The following SNTG2 variants were observed in gnomAD, a reference collection of about 807,000 sequenced individuals.
SNTG2 encodes the protein syntrophin gamma 2.
A neutral mutation model predicts 70.9 loss-of-function variants in SNTG2; 74 were observed. The observed-to-expected ratio is 1.04, with a 90% CI of 0.86 to 1.27. The LOEUF (loss-of-function observed/expected upper bound fraction) is 1.27. Ranked by LOEUF, SNTG2 falls within the 50% of genes most tolerant of loss-of-function variation. The pLI is 0.00. For missense variants in SNTG2, 717 were observed against 690.7 expected, an observed-to-expected ratio of 1.04 and a Z score of -0.43; for synonymous variants, 278 against 273.8, an observed-to-expected ratio of 1.02 and a Z score of -0.15.
chr2:1,165,665 GC>G, intron 7 of SNTG2, 30 bp downstream of exon 7: 1 of 1,563,788 alleles, frequency 6.4e-7, no homozygotes, highest in Non-Finnish European at 8.7e-7. Flanking sequence ...ATGCCAGGGT[GC>G]TGGAGAAATT....
intron 11 of SNTG2, among the ~76,000 whole-genome samples, chr2:1,241,986 G>GTA (rs1677082704): frequency 6.6e-6 from 1 of 152,050 alleles, no homozygotes; most frequent in South Asian, 2.1e-4. Context: ...AGTTGTACTG[G>GTA]GTAATTTAAG....
intron 6 of SNTG2, among the ~76,000 whole-genome samples, chr2:1,164,679 A>G (rs1218721659): frequency 6.7e-6 from 1 of 149,622 alleles, no homozygotes; most frequent in Non-Finnish European, 1.5e-5. Context: ...AGGATGAAGT[A>G]AGGCAGGAAC....
intron 1 of SNTG2, among the ~76,000 whole-genome samples, chr2:1,073,812 A>T (rs2148144984): frequency 6.6e-6 from 1 of 152,354 alleles, no homozygotes. Flanking sequence ...TGCATGATGA[A>T]AACTTTGCAT....
chr2:1,095,195 T>C (rs2148203421), intron 2 of SNTG2, among the ~76,000 whole-genome samples: 1 of 152,316 alleles, frequency 6.6e-6, no homozygotes, highest in East Asian at 1.9e-4. Context: ...AGTTACCTCC[T>C]ACAGGCCCTA....
chr2:1,143,601 A>G (rs4971389), intron 6 of SNTG2, among the ~76,000 whole-genome samples: 83,460 of 149,786 alleles, frequency 0.56, 23,704 homozygotes, highest in East Asian at 0.83. Context: ...AATGTCAGTG[A>G]CTCACTCCTG....
At chr2:1,300,294 T>A (rs1680403301) in intron 14 of SNTG2, among the ~76,000 whole-genome samples, 1 of 152,208 alleles carries the variant, frequency 6.6e-6, no homozygotes, top group Non-Finnish European at 1.5e-5. Flanking sequence ...GAAAATCCTT[T>A]CAAAGTCCAC....
chr2:1,129,582 T>C (rs1667899026), intron 4 of SNTG2, among the ~76,000 whole-genome samples: 1 of 152,256 alleles, frequency 6.6e-6, no homozygotes. Flanking sequence ...CGCATTAATT[T>C]AACTTTGTAT....
intron 1 of SNTG2, among the ~76,000 whole-genome samples, chr2:985,884 A>G (rs1246278808): frequency 5.9e-5 from 9 of 152,180 alleles, no homozygotes; most frequent in African/African-American, 2.2e-4. Context: ...GCCAAGTGTT[A>G]TCACAGTTTC....
chr2:1,085,374 G>A (rs1664619659), intron 2 of SNTG2, among the ~76,000 whole-genome samples: 1 of 152,164 alleles, frequency 6.6e-6, no homozygotes, highest in Non-Finnish European at 1.5e-5. Context: ...TAGGTTATTG[G>A]TGAAAATGAA....
intron 1 of SNTG2, among the ~76,000 whole-genome samples, chr2:956,384 T>A (rs1660159135): frequency 6.6e-6 from 1 of 152,242 alleles, no homozygotes. Flanking sequence ...CTTCCCAGGC[T>A]GGAGCATAAC....
intron 14 of SNTG2, among the ~76,000 whole-genome samples, chr2:1,287,871 C>G (rs1679829446): frequency 6.6e-6 from 1 of 152,132 alleles, no homozygotes; most frequent in Non-Finnish European, 1.5e-5. Context: ...AAGGAGAAGC[C>G]TTCCCAGCTG....
intron 12 of SNTG2, chr2:1,256,477 T>C (rs757038623): frequency 6.6e-6 from 1 of 152,218 alleles, no homozygotes; most frequent in Non-Finnish European, 1.5e-5. Flanking sequence ...CTTGGATACC[T>C]TGGACATGGT....
rs185074355 is a variant in SNTG2, at chr2:1,299,444, A to G, written c.1285-9050A>G. On this transcript the variant is annotated intron_variant, in intron 14 of 16. Coordinates refer to ENST00000308624, the MANE Select transcript of SNTG2 (RefSeq NM_018968.4). ...CTCCTGCAGTCCCTGGCATTCCTCAATCTGCAGCTCCTCACCCCAGCTTCC... is the reference window on the plus strand; with the variant it reads ...CTCCTGCAGTCCCTGGCATTCCTCAGTCTGCAGCTCCTCACCCCAGCTTCC... Among the ~76,000 whole-genome samples the G allele has an allele frequency of 8.5e-3, 1,299 of 152,008 alleles. 16 individuals carry two copies. Among genetic ancestry groups the G allele is most frequent in the African/African-American group, 0.027 (1,124 of 41,480 alleles).
chr2:1,118,782 A>T lies in SNTG2; in HGVS notation c.326-18840A>T, dbSNP rs115202430. On this transcript the variant is annotated intron_variant, in intron 4 of 16. Transcript: ENST00000308624. ...TGTGGCACTCACAGGAAGCAATCAGATGAAGAAAGTTCTGTATTATGGGAC... is the reference window on the plus strand; with the variant it reads ...TGTGGCACTCACAGGAAGCAATCAGTTGAAGAAAGTTCTGTATTATGGGAC... 2.0e-3 allele frequency among the ~76,000 whole-genome samples: 305 copies of T among 152,288 alleles called. 2 individuals carry two copies. The highest frequency in any genetic ancestry group is 7.2e-3 in the African/African-American group (300 of 41,576).
chr2:1,038,355 A>G (rs1661249869), intron 1 of SNTG2, among the ~76,000 whole-genome samples: 2 of 152,228 alleles, frequency 1.3e-5, no homozygotes, highest in Non-Finnish European at 2.9e-5. Context: ...CAGACTGGCA[A>G]AAATAAAGCC....
intron 6 of SNTG2, among the ~76,000 whole-genome samples, chr2:1,149,937 C>T (rs548092576): frequency 6.6e-6 from 1 of 152,228 alleles, no homozygotes; most frequent in East Asian, 1.9e-4. Flanking sequence ...ATCCACCCGC[C>T]TCGGCCTCCC....
At chr2:1,351,033 T>C (rs893556024) in intron 16 of SNTG2, among the ~76,000 whole-genome samples, 5 of 152,000 alleles carry the variant, frequency 3.3e-5, no homozygotes. Flanking sequence ...GAAATTGACC[T>C]TGTTCGGCCG....
intron 2 of SNTG2, among the ~76,000 whole-genome samples, chr2:1,092,458 T>C (rs1201683250): frequency 6.6e-6 from 1 of 152,166 alleles, no homozygotes; most frequent in African/African-American, 2.4e-5. Flanking sequence ...TGAACAAACC[T>C]GGGGGCAGGG....
chr2:1,165,577 A>G lies in SNTG2; in HGVS notation c.441A>G (p.Glu147=), dbSNP rs1441174975. The G allele has an allele frequency of 6.2e-7, 1 of 1,612,322 alleles. No homozygotes were observed. Among genetic ancestry groups the G allele is most frequent in the Non-Finnish European group, 8.5e-7 (1 of 1,178,840 alleles). Residue 147 remains glutamate (E), a synonymous_variant, in exon 7 of 17, where the codon GAA becomes GAG. Transcript: ENST00000308624. ...VVHLLRNAGD[E]VTITVEYLRE... The stretch of plus-strand genomic sequence containing the variant: ...ATCTGCTGAGAAATGCTGGCGATGA[A>G]GTTACCATCACCGTTGAGTATCTCA...
Sources: allele counts gnomAD v4.1 joint callset (sites outside exome capture counted in the v4.1 genomes callset), GRCh38; gene constraint gnomAD v4.1.1; transcripts MANE v1.5; gene names NCBI Gene and HGNC (gene_info 2026-07-23, HGNC 2026-07-21).